The following CCDC7 variants were observed in gnomAD, a reference collection of about 807,000 sequenced individuals.
The protein encoded by CCDC7 is coiled-coil domain-containing protein 7.
CCDC7 carries 183 observed loss-of-function variants against 196.9 expected under a neutral mutation model. That is an observed-to-expected ratio of 0.93 (90% CI 0.82 to 1.05). The LOEUF (loss-of-function observed/expected upper bound fraction) is 1.05. CCDC7 is among the 50% of genes least tolerant of loss of function. CCDC7 has a pLI of 0.00. For missense variants in CCDC7, 1,540 were observed against 1,482.2 expected, an observed-to-expected ratio of 1.04 and a Z score of -0.64; for synonymous variants, 525 against 484.6, an observed-to-expected ratio of 1.08 and a Z score of -1.10.
intron 28 of CCDC7, 69 bp downstream of exon 29, chr10:32,729,526 T>C: frequency 4.1e-6 from 3 of 730,088 alleles, no homozygotes; most frequent in Non-Finnish European, 6.3e-6. Flanking sequence ...TTTTGGTTTA[T>C]AAATATGCCT....
chr10:32,529,832 A>G (rs1055310484), intron 11 of CCDC7, among the ~76,000 whole-genome samples: 2 of 152,132 alleles, frequency 1.3e-5, no homozygotes, highest in African/African-American at 4.8e-5. Flanking sequence ...GTTCTTGGTT[A>G]TGAAGTCTTT....
intron 18 of CCDC7, among the ~76,000 whole-genome samples, chr10:32,603,538 A>G (rs931488815): frequency 1.9e-4 from 29 of 149,110 alleles, no homozygotes; most frequent in Non-Finnish European, 4.2e-4. Flanking sequence ...GTTTTTTTTA[A>G]TAATGATTGT....
chr10:32,882,378 A>T (rs1202497266), intron 22 of CCDC7, among the ~76,000 whole-genome samples: 2 of 152,198 alleles, frequency 1.3e-5, no homozygotes, highest in African/African-American at 4.8e-5. Flanking sequence ...AAACTGACTT[A>T]GTAGGATTTT....
At chr10:32,647,353 A>C (rs1406816780) in intron 20 of CCDC7, among the ~76,000 whole-genome samples, 1 of 151,740 alleles carries the variant, frequency 6.6e-6, no homozygotes, top group Non-Finnish European at 1.5e-5. Context: ...CTGAAAATAG[A>C]AAAAAAACAG....
chr10:32,455,900 GA>G (rs2034227884), intron 2 of CCDC7, among the ~76,000 whole-genome samples: 1 of 151,606 alleles, frequency 6.6e-6, no homozygotes, highest in African/African-American at 2.4e-5. Context: ...AACACCAAGA[GA>G]TTTTTTTTTT....
chr10:32,635,392 T>C (rs570767543), intron 20 of CCDC7, among the ~76,000 whole-genome samples: 4 of 152,322 alleles, frequency 2.6e-5, no homozygotes, highest in African/African-American at 9.6e-5. Context: ...TCTTATGACA[T>C]TTTATTATTA....
In CCDC7 at chr10:32,459,362, A is replaced by G. The variant is rs549164854; in HGVS notation, c.456+3028A>G. On this transcript the variant is annotated intron_variant, in intron 3 of 41. Transcript: ENST00000639629. ...AAAGTGGGAACCTCTAGAGAGCTCAAAAGTGGGAACCTCTAGAGAGCTCAA... is the reference window on the plus strand; with the variant it reads ...AAAGTGGGAACCTCTAGAGAGCTCAGAAGTGGGAACCTCTAGAGAGCTCAA... Among the ~76,000 whole-genome samples, 12 of 152,224 alleles carry G rather than the reference A, an allele frequency of 7.9e-5. No homozygotes were observed. In the East Asian group the frequency reaches 2.3e-3, roughly 29 times the overall value.
intron 28 of CCDC7, among the ~76,000 whole-genome samples, chr10:32,756,065 TAAAA>T: frequency 6.6e-6 from 1 of 151,960 alleles, no homozygotes; most frequent in East Asian, 1.9e-4. Flanking sequence ...GAAAAAAGAA[TAAAA>T]AGAAATGAAC....
intron 40 of CCDC7, 116 bp downstream of exon 41, chr10:32,852,048 A>G: frequency 9.2e-7 from 1 of 1,086,724 alleles, no homozygotes. Flanking sequence ...AATATAAATG[A>G]AAGTAAATTG....
chr10:32,730,395 A>G (rs2083759403), intron 28 of CCDC7, among the ~76,000 whole-genome samples: 1 of 151,486 alleles, frequency 6.6e-6, no homozygotes, highest in Non-Finnish European at 1.5e-5. Flanking sequence ...TGTTTCTTTC[A>G]CTGTCTACTC....
At chr10:32,738,473 CTTTTTTTT>C (rs33944221) in intron 28 of CCDC7, among the ~76,000 whole-genome samples, 6 of 109,680 alleles carry the variant, frequency 5.5e-5, no homozygotes, top group South Asian at 6.4e-4. Flanking sequence ...GTTTCTTTCA[CTTTTTTTT>C]TTTTTTTTTT....
intron 32 of CCDC7, among the ~76,000 whole-genome samples, chr10:32,828,122 C>T (rs2135773968): frequency 6.6e-6 from 1 of 152,254 alleles, no homozygotes; most frequent in African/African-American, 2.4e-5. Context: ...CTCTTTCAAC[C>T]AATTGCCAAA....
chr10:32,817,433 A>G (rs1217125098), intron 31 of CCDC7, among the ~76,000 whole-genome samples: 2 of 152,238 alleles, frequency 1.3e-5, no homozygotes, highest in Non-Finnish European at 2.9e-5. Flanking sequence ...ATCCAGGAGA[A>G]CTTCCCCAAT....
At chr10:32,861,128 A>AAAG in intron 41 of CCDC7, among the ~76,000 whole-genome samples, 1 of 148,446 alleles carries the variant, frequency 6.7e-6, no homozygotes, top group South Asian at 2.3e-4. Flanking sequence ...AAAAAAAAAA[A>AAAG]AAAAAAGAAA....
intron 18 of CCDC7, among the ~76,000 whole-genome samples, chr10:32,627,120 G>T (rs1016008877): frequency 2.0e-5 from 3 of 151,342 alleles, no homozygotes; most frequent in Non-Finnish European, 4.4e-5. Context: ...GGATTGCGTT[G>T]ACACTATAGA....
chr10:32,831,569 TC>T (rs1446331351), intron 32 of CCDC7, among the ~76,000 whole-genome samples: 1 of 152,202 alleles, frequency 6.6e-6, no homozygotes, highest in African/African-American at 2.4e-5. Context: ...ATATCCTTAT[TC>T]AATAAGCTGC....
intron 8 of CCDC7, among the ~76,000 whole-genome samples, chr10:32,484,531 A>G (rs1253011246): frequency 2.0e-5 from 3 of 152,098 alleles, no homozygotes; most frequent in Non-Finnish European, 4.4e-5. Context: ...TTCCAATACT[A>G]TGTTGAATAG....
chr10:32,594,226 G>A (rs1478489025), intron 18 of CCDC7, among the ~76,000 whole-genome samples: 2 of 152,118 alleles, frequency 1.3e-5, no homozygotes, highest in African/African-American at 2.4e-5. Flanking sequence ...TTATTTCACT[G>A]AGCAGTGGTT....
intron 28 of CCDC7, among the ~76,000 whole-genome samples, chr10:32,766,309 C>G (rs2078294670): frequency 6.6e-6 from 1 of 151,880 alleles, no homozygotes; most frequent in African/African-American, 2.4e-5. Flanking sequence ...CAACGTATTC[C>G]TCATTTGGGC....
Sources: allele counts gnomAD v4.1 joint callset (sites outside exome capture counted in the v4.1 genomes callset), GRCh38; gene constraint gnomAD v4.1.1; transcripts MANE v1.5; gene names NCBI Gene and HGNC (gene_info 2026-07-23, HGNC 2026-07-21).